The following COLGALT2 variants were observed in gnomAD, a reference collection of about 807,000 sequenced individuals.
COLGALT2 encodes procollagen galactosyltransferase 2.
COLGALT2 carries 49 observed loss-of-function variants against 73.4 expected under a neutral mutation model. That is an observed-to-expected ratio of 0.67 (90% CI 0.53 to 0.85). COLGALT2 has a LOEUF of 0.85. Ranked by LOEUF, COLGALT2 falls within the 40% of genes least tolerant of loss-of-function variation. COLGALT2 has a pLI of 0.00. For synonymous variants in COLGALT2, 295 were observed against 307.6 expected (o/e 0.96, Z 0.43); for missense variants, 722 against 790.2 (o/e 0.91, Z 1.03).
intron 1 of COLGALT2, among the ~76,000 whole-genome samples, chr1:184,019,244 A>G (rs927155047): frequency 2.6e-5 from 4 of 152,076 alleles, no homozygotes; most frequent in African/African-American, 4.8e-5. Flanking sequence ...AAATCCTGGC[A>G]GTTATCTCAT....
intron 1 of COLGALT2, among the ~76,000 whole-genome samples, chr1:184,036,723 G>A (rs61031211): frequency 0.016 from 2,511 of 152,336 alleles, 73 homozygotes; most frequent in African/African-American, 0.056. Flanking sequence ...AGGGCTAGCA[G>A]TATGAGGTGG....
rs187532091 is a variant in COLGALT2, at chr1:183,983,727, G to A, written c.264-5207C>T. ...ACCCAGAATGTGTGAGGCCCCTCAGGAGGAGCTGAGGCACAGTGGCCCCTC... is the reference window on the plus strand; with the variant it reads ...ACCCAGAATGTGTGAGGCCCCTCAGAAGGAGCTGAGGCACAGTGGCCCCTC... On this transcript the variant is annotated intron_variant, in intron 1 of 11. Coordinates refer to ENST00000361927, the MANE Select transcript of COLGALT2 (RefSeq NM_015101.4). 1.1e-4 allele frequency among the ~76,000 whole-genome samples: 16 copies of A among 152,334 alleles called. No individual in the cohort carries two copies. The East Asian group carries it at 2.5e-3, about 24-fold the overall frequency.
At chr1:183,978,112 TAA>T (rs1671255522) in intron 2 of COLGALT2, among the ~76,000 whole-genome samples, 1 of 152,082 alleles carries the variant, frequency 6.6e-6, no homozygotes, top group African/African-American at 2.4e-5. Context: ...CCTCCAAATA[TAA>T]AAGTTTGTTT....
intron 1 of COLGALT2, among the ~76,000 whole-genome samples, chr1:183,988,544 A>G (rs1671547453): frequency 6.6e-6 from 1 of 151,996 alleles, no homozygotes; most frequent in Admixed American, 6.5e-5. Context: ...TTCTGTCCCT[A>G]TGGATTTGCC....
intron 1 of COLGALT2, among the ~76,000 whole-genome samples, chr1:184,035,412 A>C (rs993014682): frequency 6.6e-6 from 1 of 152,198 alleles, no homozygotes; most frequent in Non-Finnish European, 1.5e-5. Context: ...TGTTTATATC[A>C]TGTTTCCTGC....
chr1:183,935,954 T>G lies in COLGALT2; in HGVS notation c.*2807A>C. 3 of 985,428 alleles carry G rather than the reference T, an allele frequency of 3.0e-6. No individual in the cohort carries two copies. The highest frequency in any genetic ancestry group is 3.6e-6 in the Non-Finnish European group (3 of 829,958). 61.0% of individuals were successfully genotyped at this position (985,428 alleles called of 1,614,324 possible). A position where few individuals can be genotyped will look rare whatever the true frequency, so the allele number is the denominator to read the frequency against. On this transcript the variant is annotated 3_prime_UTR_variant, in exon 12 of 12. Transcript: ENST00000361927. ...TGCAGGGGAACGGGTGTCCACTCTTTCTTGTTCTCAGAGCTCCTGCAGCAG... is the reference window on the plus strand; with the variant it reads ...TGCAGGGGAACGGGTGTCCACTCTTGCTTGTTCTCAGAGCTCCTGCAGCAG...
At chr1:184,027,666 T>C (rs1486583357) in intron 1 of COLGALT2, among the ~76,000 whole-genome samples, 2 of 152,236 alleles carry the variant, frequency 1.3e-5, no homozygotes, top group African/African-American at 2.4e-5. Context: ...TTTATCCACA[T>C]AGACAATCAG....
chr1:183,962,096 C>T (rs1374700930), intron 6 of COLGALT2, among the ~76,000 whole-genome samples: 2 of 150,262 alleles, frequency 1.3e-5, no homozygotes, highest in Non-Finnish European at 3.0e-5. Context: ...ATAGACAACT[C>T]AATGGATCTA....
At chr1:183,966,726 G>A (rs1670884112) in intron 5 of COLGALT2, among the ~76,000 whole-genome samples, 2 of 152,154 alleles carry the variant, frequency 1.3e-5, no homozygotes, top group Non-Finnish European at 2.9e-5. Flanking sequence ...CCATGATACA[G>A]AACCCAGATC....
At chr1:183,940,233 A>G (rs1477542668) in intron 11 of COLGALT2, among the ~76,000 whole-genome samples, 2 of 152,232 alleles carry the variant, frequency 1.3e-5, no homozygotes, top group African/African-American at 4.8e-5. Context: ...AGCCAAAGGA[A>G]CTGGAAATTT....
intron 5 of COLGALT2, among the ~76,000 whole-genome samples, chr1:183,967,246 G>A (rs1051010989): frequency 6.6e-6 from 1 of 152,226 alleles, no homozygotes; most frequent in Non-Finnish European, 1.5e-5. Flanking sequence ...TTCATGGTCT[G>A]CACCGCCAGT....
intron 1 of COLGALT2, among the ~76,000 whole-genome samples, chr1:184,029,103 G>A (rs1649423016): frequency 6.6e-6 from 1 of 152,242 alleles, no homozygotes; most frequent in African/African-American, 2.4e-5. Flanking sequence ...ATTCATGCAA[G>A]AGACTTGGCT....
chr1:184,037,076 G>C lies in COLGALT2; in HGVS notation c.263+19C>G. 4 of 1,532,886 alleles carry C rather than the reference G, an allele frequency of 2.6e-6. No homozygotes were observed. Among genetic ancestry groups the C allele is most frequent in the Non-Finnish European group, 2.6e-6 (3 of 1,147,056 alleles). 95.0% of individuals were successfully genotyped at this position (1,532,886 alleles called of 1,614,324 possible). ...CCCCCGCGTCCCGCCGCGGCGGCCC[G>C]GGGCCCGTGCGCGCTCACCAGATGG... On this transcript the variant is annotated intron_variant, in intron 1 of 11. Coordinates refer to ENST00000361927, the MANE Select transcript of COLGALT2 (RefSeq NM_015101.4).
chr1:183,997,518 T>G (rs1289176256), intron 1 of COLGALT2, among the ~76,000 whole-genome samples: 2 of 152,190 alleles, frequency 1.3e-5, no homozygotes, highest in East Asian at 1.9e-4. Context: ...AGAAGAAGAA[T>G]TGTCTTGGGC....
At chr1:183,953,432 G>C (rs1670466413) in intron 7 of COLGALT2, among the ~76,000 whole-genome samples, 1 of 152,154 alleles carries the variant, frequency 6.6e-6, no homozygotes, top group African/African-American at 2.4e-5. Flanking sequence ...AAGAAGACCG[G>C]AACTGGAAGA....
At chr1:184,013,008 GAATAGTTAT>G (rs1406280159) in intron 1 of COLGALT2, among the ~76,000 whole-genome samples, 1 of 152,174 alleles carries the variant, frequency 6.6e-6, no homozygotes, top group Non-Finnish European at 1.5e-5. Context: ...ACATAATTAA[GAATAGTTAT>G]AAGAGTGTTA....
At chr1:184,002,822 C>T (rs1311099636) in intron 1 of COLGALT2, among the ~76,000 whole-genome samples, 2 of 151,994 alleles carry the variant, frequency 1.3e-5, no homozygotes, top group Non-Finnish European at 2.9e-5. Context: ...TTAATATCTA[C>T]CAGAATTTAA....
rs2296712 is a variant in COLGALT2 at position 183,940,499 on chromosome 1, T to C, written c.1604+82A>G. 4 of 1,237,424 alleles carry C rather than the reference T, an allele frequency of 3.2e-6. No homozygotes were observed. In the East Asian group the frequency reaches 7.0e-5, roughly 22 times the overall value. The allele number at this position is 1,237,424 out of a possible 1,614,324, so 76.7% of individuals were successfully genotyped here. A position where few individuals can be genotyped will look rare whatever the true frequency, so the allele number is the denominator to read the frequency against. ...AGGAAAGCAGTACAACTTTAGAAAA[T>C]ATCAAGTACTACCAGAAATGGAGAG... On this transcript the variant is annotated intron_variant, in intron 11 of 11. Coordinates refer to ENST00000361927, the MANE Select transcript of COLGALT2 (RefSeq NM_015101.4).
intron 1 of COLGALT2, among the ~76,000 whole-genome samples, chr1:184,006,844 C>T (rs1172973150): frequency 6.6e-6 from 1 of 152,184 alleles, no homozygotes; most frequent in Non-Finnish European, 1.5e-5. Context: ...TATTTTCCCT[C>T]CTCTATCTTA....
Sources: gnomAD v4.1 joint callset for allele counts (sites outside exome capture counted in the v4.1 genomes callset) on GRCh38, gnomAD v4.1.1 for gene constraint, MANE v1.5 for transcripts, NCBI Gene and HGNC (gene_info 2026-07-23, HGNC 2026-07-21) for gene names.